Variants in TAFA2 observed in about 807,000 individuals in gnomAD.
The protein encoded by TAFA2 is TAFA chemokine like family member 2, also known as chemokine-like protein TAFA-2.
Under a neutral mutation model 18.8 loss-of-function variants are expected in TAFA2, and 7 were observed. The ratio of observed to expected loss-of-function variants is 0.37; its 90% CI spans 0.21 to 0.70. TAFA2 has a LOEUF of 0.70. Among genes scored for constraint, TAFA2 ranks in the 30% least tolerant of loss-of-function variants. TAFA2 has a pLI of 0.53. For missense variants in TAFA2, 122 were observed against 158.1 expected (o/e 0.77, Z 1.23); for synonymous variants, 60 against 54.2 (o/e 1.11, Z -0.47).
In TAFA2 at chr12:61,922,140, C is replaced by G. The variant is rs531968245; in HGVS notation, c.-1-54714G>C. 3.3e-5 allele frequency among the ~76,000 whole-genome samples: 5 copies of G among 152,102 alleles called. No individual in the cohort carries two copies. The East Asian group carries it at 9.7e-4, about 29-fold the overall frequency. ...GAGCAAGTGCTGCAAAATAATGGAG[C>G]AGTTGGAAGGAGCAGTCAAAAGAAC... On this transcript the variant is annotated intron_variant, in intron 1 of 4. Coordinates refer to ENST00000416284, the MANE Select transcript of TAFA2 (RefSeq NM_178539.5).
intron 2 of TAFA2, among the ~76,000 whole-genome samples, chr12:61,798,139 A>G (rs975461594): frequency 3.9e-5 from 6 of 152,108 alleles, no homozygotes; most frequent in Non-Finnish European, 5.9e-5. Flanking sequence ...CAATGTATTC[A>G]TATGTTTTAT....
intron 2 of TAFA2, among the ~76,000 whole-genome samples, chr12:61,841,875 T>C (rs1456036058): frequency 1.3e-5 from 2 of 152,030 alleles, no homozygotes; most frequent in Non-Finnish European, 2.9e-5. Context: ...TATGTGTCCA[T>C]AAAACAAAGT....
At chr12:61,831,159 T>A (rs1247594235) in intron 2 of TAFA2, among the ~76,000 whole-genome samples, 4 of 152,062 alleles carry the variant, frequency 2.6e-5, no homozygotes. Flanking sequence ...AGGATTTAAT[T>A]GGATCACATA....
intron 1 of TAFA2, among the ~76,000 whole-genome samples, chr12:61,888,230 G>T (rs1359508025): frequency 6.6e-6 from 1 of 152,154 alleles, no homozygotes; most frequent in Non-Finnish European, 1.5e-5. Context: ...CCATTACTGG[G>T]TATATACCCA....
In TAFA2 at chr12:62,165,460, G is replaced by A. The variant is rs368200068; in HGVS notation, c.-2+25799C>T. 3.3e-5 allele frequency among the ~76,000 whole-genome samples: 5 copies of A among 152,128 alleles called. No individual in the cohort carries two copies. In the South Asian group the frequency reaches 8.3e-4, roughly 25 times the overall value. On this transcript the variant is annotated intron_variant, in intron 1 of 4. Coordinates refer to ENST00000416284, the MANE Select transcript of TAFA2 (RefSeq NM_178539.5). Reference sequence around the variant, plus strand: ...GATAACCTCAAAACATTTATCTTGAGCCCTAGTCTTTCCTGAAATTTAGCC... The same window carrying A: ...GATAACCTCAAAACATTTATCTTGAACCCTAGTCTTTCCTGAAATTTAGCC...
chr12:61,846,778 G>A (rs1454235340), intron 2 of TAFA2, among the ~76,000 whole-genome samples: 6 of 152,108 alleles, frequency 3.9e-5, no homozygotes, highest in Admixed American at 1.3e-4. Flanking sequence ...CATTTTGGTA[G>A]AGGTATTTAA....
chr12:62,060,300 C>T (rs1882310355), intron 1 of TAFA2, among the ~76,000 whole-genome samples: 1 of 152,062 alleles, frequency 6.6e-6, no homozygotes, highest in Admixed American at 6.5e-5. Context: ...AACAATGGGC[C>T]ACATAAACAA....
intron 1 of TAFA2, among the ~76,000 whole-genome samples, chr12:61,985,119 G>C (rs1375811170): frequency 6.6e-6 from 1 of 152,162 alleles, no homozygotes; most frequent in African/African-American, 2.4e-5. Context: ...TCTGTTGACA[G>C]ACTATGATAT....
chr12:61,977,601 A>G (rs1026375514), intron 1 of TAFA2, among the ~76,000 whole-genome samples: 2 of 152,062 alleles, frequency 1.3e-5, no homozygotes, highest in Non-Finnish European at 2.9e-5. Flanking sequence ...GGCCTCTATA[A>G]AGAATAAAAT....
At chr12:62,021,029 G>C (rs1881112350) in intron 1 of TAFA2, among the ~76,000 whole-genome samples, 1 of 152,148 alleles carries the variant, frequency 6.6e-6, no homozygotes, top group Non-Finnish European at 1.5e-5. Context: ...GAGATAAGTA[G>C]TTGCAATAGA....
chr12:62,057,688 TAATC>T (rs1882222368), intron 1 of TAFA2, among the ~76,000 whole-genome samples: 1 of 152,228 alleles, frequency 6.6e-6, no homozygotes, highest in Non-Finnish European at 1.5e-5. Flanking sequence ...AGTCTAAAAT[TAATC>T]AGTATCATTA....
chr12:61,946,997 C>T (rs1417112852), intron 1 of TAFA2, among the ~76,000 whole-genome samples: 1 of 19,698 alleles, frequency 5.1e-5, no homozygotes, highest in Non-Finnish European at 7.0e-5. Context: ...GCTATAAAGA[C>T]ACATGCACAT....
At chr12:62,017,648 T>A (rs1334187483) in intron 1 of TAFA2, among the ~76,000 whole-genome samples, 2 of 152,298 alleles carry the variant, frequency 1.3e-5, no homozygotes, top group African/African-American at 4.8e-5. Context: ...GCAAGATGAC[T>A]TTTTCCCTGA....
intron 1 of TAFA2, among the ~76,000 whole-genome samples, chr12:62,202,634 T>C (rs2062676109): frequency 6.6e-6 from 1 of 152,098 alleles, no homozygotes. Context: ...TTCTAGCTTT[T>C]TGATGTGGCA....
chr12:62,251,881 G>A (rs1486229310), intron 1 of TAFA2, among the ~76,000 whole-genome samples: 1 of 152,156 alleles, frequency 6.6e-6, no homozygotes, highest in Non-Finnish European at 1.5e-5. Flanking sequence ...AGCAGCTAGA[G>A]GAATAAATTC....
chr12:61,780,501 C>T (rs1244389307), intron 2 of TAFA2, among the ~76,000 whole-genome samples: 1 of 151,704 alleles, frequency 6.6e-6, no homozygotes, highest in African/African-American at 2.4e-5. Flanking sequence ...TTATTTGCCC[C>T]TTTGTATTAA....
chr12:61,737,781 T>TTTTTTTAGTTGA (rs1868328575), intron 4 of TAFA2, among the ~76,000 whole-genome samples: 1 of 152,030 alleles, frequency 6.6e-6, no homozygotes, highest in African/African-American at 2.4e-5. Context: ...ATTATTCTAT[T>TTTTTTTAGTTGA]CCTGCTACAA....
intron 1 of TAFA2, among the ~76,000 whole-genome samples, chr12:61,887,703 C>A (rs11174218): frequency 6.7e-6 from 1 of 148,838 alleles, no homozygotes; most frequent in Admixed American, 6.7e-5. Flanking sequence ...TTTGTTCTTG[C>A]GATAGTTTAC....
intron 1 of TAFA2, among the ~76,000 whole-genome samples, chr12:62,010,154 TC>T (rs1222393780): frequency 2.3e-5 from 3 of 128,654 alleles, no homozygotes; most frequent in African/African-American, 8.7e-5. Flanking sequence ...CCTCTCCCTC[TC>T]CCCCTCCCCC....
Sources: allele counts gnomAD v4.1 joint callset (sites outside exome capture counted in the v4.1 genomes callset), GRCh38; gene constraint gnomAD v4.1.1; transcripts MANE v1.5; gene names NCBI Gene and HGNC (gene_info 2026-07-23, HGNC 2026-07-21).